ATRNL1: variants seen among roughly 807,000 people sequenced by gnomAD.
ATRNL1 encodes attractin like 1, also known as attractin-like protein 1.
In ATRNL1, 95 loss-of-function variants were observed where a neutral mutation model predicts 182.7. That is an observed-to-expected ratio of 0.52 (90% CI 0.44 to 0.62). The LOEUF (loss-of-function observed/expected upper bound fraction) is 0.62, where lower values mean the gene tolerates loss of function less well. Ranked by LOEUF, ATRNL1 falls within the 20% of genes least tolerant of loss-of-function variation. ATRNL1 has a pLI of 0.00. For missense variants in ATRNL1, 1,471 were observed against 1,679.5 expected (o/e 0.88, Z 2.17); for synonymous variants, 576 against 568.3 (o/e 1.01, Z -0.19).
intron 24 of ATRNL1, among the ~76,000 whole-genome samples, chr10:115,481,001 A>C (rs1554974060): frequency 6.6e-6 from 1 of 150,746 alleles, no homozygotes; most frequent in East Asian, 1.9e-4. Context: ...AAGATTTTTC[A>C]TTTCTTTATA....
chr10:115,554,001 G>A (rs1418353101), intron 26 of ATRNL1, among the ~76,000 whole-genome samples: 2 of 151,490 alleles, frequency 1.3e-5, no homozygotes, highest in Admixed American at 1.3e-4. Context: ...AAATGTGAAA[G>A]TGTTATTTTA....
chr10:115,374,453 T>TTCCCTTCCTTCCTTCCTTCC (rs1421460494), intron 19 of ATRNL1, among the ~76,000 whole-genome samples: 1 of 135,798 alleles, frequency 7.4e-6, no homozygotes, highest in African/African-American at 2.9e-5. Context: ...CCTTCCTTCC[T>TTCCCTTCCTTCCTTCCTTCC]TTCCTTCCTT....
chr10:115,823,658 G>T (rs146592698), intron 27 of ATRNL1, among the ~76,000 whole-genome samples: 8,810 of 152,154 alleles, frequency 0.058, 310 homozygotes, highest in South Asian at 0.09. Context: ...ACCAAATCAT[G>T]AGTGAATTCC....
intron 10 of ATRNL1, among the ~76,000 whole-genome samples, chr10:115,247,253 A>C (rs1554904302): frequency 6.6e-6 from 1 of 152,178 alleles, no homozygotes; most frequent in Non-Finnish European, 1.5e-5. Flanking sequence ...TTTGCAAACT[A>C]TTCATCTGAT....
chr10:115,280,125 C>G (rs1852290325), intron 13 of ATRNL1, among the ~76,000 whole-genome samples: 1 of 152,144 alleles, frequency 6.6e-6, no homozygotes, highest in South Asian at 2.1e-4. Context: ...AATGTAACTG[C>G]AAATCCCTCA....
intron 28 of ATRNL1, among the ~76,000 whole-genome samples, chr10:115,861,591 G>A (rs1951317629): frequency 6.6e-6 from 1 of 152,138 alleles, no homozygotes; most frequent in Admixed American, 6.5e-5. Context: ...GGTTAAATCA[G>A]TTCCTTACTA....
At chr10:115,711,572 A>G (rs546756972) in intron 26 of ATRNL1, among the ~76,000 whole-genome samples, 1 of 152,130 alleles carries the variant, frequency 6.6e-6, no homozygotes, top group Non-Finnish European at 1.5e-5. Flanking sequence ...GTGGTCAACT[A>G]TGTGAGGGAG....
At chr10:115,789,941 G>A (rs1555081304) in intron 27 of ATRNL1, among the ~76,000 whole-genome samples, 1 of 152,154 alleles carries the variant, frequency 6.6e-6, no homozygotes, top group Non-Finnish European at 1.5e-5. Context: ...ATGATTGAAG[G>A]ATAGTGAAGA....
chr10:115,597,478 A>G (rs1184160364), intron 26 of ATRNL1: 2 of 336,056 alleles, frequency 6.0e-6, no homozygotes, highest in East Asian at 1.8e-4. Flanking sequence ...GCAATCGAAT[A>G]CAAATGTGGG....
intron 18 of ATRNL1, among the ~76,000 whole-genome samples, chr10:115,330,397 T>G (rs1388137603): frequency 2.6e-5 from 4 of 152,168 alleles, no homozygotes; most frequent in African/African-American, 9.7e-5. Flanking sequence ...CTTTTTTTGT[T>G]ACACATTAGG....
At chr10:115,305,629 A>G (rs551917440) in intron 17 of ATRNL1, among the ~76,000 whole-genome samples, 1 of 152,212 alleles carries the variant, frequency 6.6e-6, no homozygotes, top group Non-Finnish European at 1.5e-5. Context: ...CTCAATAGTC[A>G]TGCTTGTCTC....
At chr10:115,757,506 T>C (rs1255193216) in intron 27 of ATRNL1, among the ~76,000 whole-genome samples, 10 of 152,242 alleles carry the variant, frequency 6.6e-5, no homozygotes, top group Admixed American at 1.3e-4. Context: ...TTCTGGCTTG[T>C]AGGGTTTCTG....
Position 115,362,965 on chromosome 10 carries a change from G to C in ATRNL1, c.3175+28546G>C, listed in dbSNP as rs368530230. On this transcript the variant is annotated intron_variant, in intron 19 of 28. Coordinates refer to ENST00000355044, the MANE Select transcript of ATRNL1 (RefSeq NM_207303.4). ...TTCCAAGTCTTTGCTATTGTGAATA[G>C]TGCTGCAATAAACATACGTGTGCAT... Among the ~76,000 whole-genome samples the C allele has an allele frequency of 2.9e-3, 440 of 152,142 alleles. 3 individuals carry two copies. In the East Asian group the frequency reaches 0.038, roughly 13 times the overall value.
intron 8 of ATRNL1, among the ~76,000 whole-genome samples, chr10:115,211,298 T>G (rs543964457): frequency 4.0e-5 from 6 of 151,752 alleles, no homozygotes; most frequent in Non-Finnish European, 8.8e-5. Flanking sequence ...GAAGGATAGT[T>G]TCACTGGAGG....
chr10:115,868,751 C>T (rs1443669139), intron 28 of ATRNL1, among the ~76,000 whole-genome samples: 3 of 148,866 alleles, frequency 2.0e-5, no homozygotes, highest in Non-Finnish European at 3.0e-5. Context: ...AAAGAGGTTT[C>T]GGCTCCTTTT....
At chr10:115,862,325 G>C (rs2134394206) in intron 28 of ATRNL1, among the ~76,000 whole-genome samples, 1 of 152,188 alleles carries the variant, frequency 6.6e-6, no homozygotes, top group Middle Eastern at 3.4e-3. Flanking sequence ...GATCACTTTA[G>C]TCCTCGCTTT....
Position 115,330,817 on chromosome 10 carries a change from A to G in ATRNL1, c.3038-3465A>G, listed in dbSNP as rs545700929. Among the ~76,000 whole-genome samples the G allele has an allele frequency of 8.6e-5, 13 of 150,782 alleles. No homozygotes were observed. The East Asian group carries it at 2.6e-3, about 30-fold the overall frequency. Reference sequence around the variant, plus strand: ...CACCTTTCTGTACTTGAATATTTATATCTTTCTTCAGGTTTGGACATTTTC... The same window carrying G: ...CACCTTTCTGTACTTGAATATTTATGTCTTTCTTCAGGTTTGGACATTTTC... On this transcript the variant is annotated intron_variant, in intron 18 of 28. Coordinates refer to ENST00000355044, the MANE Select transcript of ATRNL1 (RefSeq NM_207303.4).
chr10:115,496,747 TC>T (rs1554978417), intron 24 of ATRNL1, among the ~76,000 whole-genome samples: 1 of 152,232 alleles, frequency 6.6e-6, no homozygotes, highest in African/African-American at 2.4e-5. Flanking sequence ...TTATAAGGCC[TC>T]TGCTCAAAGG....
intron 21 of ATRNL1, among the ~76,000 whole-genome samples, chr10:115,431,818 A>G (rs1846180090): frequency 1.3e-5 from 2 of 151,788 alleles, no homozygotes; most frequent in South Asian, 2.1e-4. Context: ...AATATCCTGG[A>G]TTTATTTTAT....
Sources: allele counts gnomAD v4.1 joint callset (sites outside exome capture counted in the v4.1 genomes callset), GRCh38; gene constraint gnomAD v4.1.1; transcripts MANE v1.5; gene names NCBI Gene and HGNC (gene_info 2026-07-23, HGNC 2026-07-21).